Variants in GALR3 observed in about 807,000 individuals in gnomAD.
GALR3 encodes galanin receptor type 3.
In GALR3, 5 loss-of-function variants were observed where a neutral mutation model predicts 6.9. The observed-to-expected ratio is 0.72, with a 90% CI of 0.38 to 1.52. The LOEUF is 1.52. Ranked by LOEUF, GALR3 falls within the 40% of genes most tolerant of loss-of-function variation. The probability of loss-of-function intolerance (pLI) is 0.03; values close to 1 mark genes in which losing one functional copy is unlikely to be tolerated. For missense variants in GALR3, 570 were observed against 545.6 expected, an observed-to-expected ratio of 1.04 and a Z score of -0.44; for synonymous variants, 308 against 263.6, an observed-to-expected ratio of 1.17 and a Z score of -1.63.
rs1255200108 is a variant in GALR3 at position 37,824,952 on chromosome 22, G to A, written c.589G>A (p.Val197Met). 6.9e-6 allele frequency: 9 copies of A among 1,306,894 alleles called. No individual in the cohort carries two copies. Among genetic ancestry groups the A allele is most frequent in the Admixed American group, 3.0e-5 (1 of 33,136 alleles). The allele number at this position is 1,306,894 out of a possible 1,614,324, so 81.0% of individuals were successfully genotyped here. The change falls in exon 2 of 2, where the codon GTG becomes ATG. Residue 197 changes from valine to methionine, a missense_variant. By Grantham distance (21) the Val-to-Met change is conservative. Transcript: ENST00000249041. ...ATFAAGYLLP[V>M]AVVSLAYGRT... is the part of the protein sequence containing the mutation. The stretch of plus-strand genomic sequence containing the variant: ...CTTCGCTGCCGGCTACCTGCTGCCC[G>A]TGGCTGTGGTGAGCCTGGCCTACGG...
intron 1 of GALR3, among the ~76,000 whole-genome samples, chr22:37,824,463 T>C (rs2145944845): frequency 6.6e-6 from 1 of 152,354 alleles, no homozygotes; most frequent in Non-Finnish European, 1.5e-5. Context: ...TCACTCCAGC[T>C]GATGACCCTG....
chr22:37,825,362 CCCCGGAGACGCCCGG>C lies in GALR3; in HGVS notation c.1002_1016del (p.Gly335_Pro339del). The C allele has an allele frequency of 7.4e-7, 1 of 1,358,822 alleles. No homozygotes were observed. Among genetic ancestry groups the C allele is most frequent in the South Asian group, 1.7e-5 (1 of 57,826 alleles). The allele number at this position is 1,358,822 out of a possible 1,614,324, so 84.2% of individuals were successfully genotyped here. A position where few individuals can be genotyped will look rare whatever the true frequency, so the allele number is the denominator to read the frequency against. On this transcript the variant is annotated inframe_deletion, in exon 2 of 2. Coordinates refer to ENST00000249041, the MANE Select transcript of GALR3 (RefSeq NM_003614.2). ...CCGCGTCCTCGGGCCCACCCGGCTG[CCCCGGAGACGCCCGG>C]CCTAGCGGGAGGCTGCTGGCTGGTG...
chr22:37,824,000 C>T (rs965954163), intron 1 of GALR3, among the ~76,000 whole-genome samples: 3 of 152,178 alleles, frequency 2.0e-5, no homozygotes, highest in South Asian at 2.1e-4. Context: ...TTCCAGAGGA[C>T]GCCTCTGAGT....
chr22:37,823,817 G>A, intron 1 of GALR3, 52 bp downstream of exon 1: 1 of 1,004,194 alleles, frequency 1.0e-6, no homozygotes, highest in Non-Finnish European at 1.5e-6. Context: ...CGGGGGTTGG[G>A]GGAGGAGTCC....
Position 37,825,164 on chromosome 22 carries a change from G to C in GALR3, c.801G>C (p.Pro267=). The change falls in exon 2 of 2, where the codon CCG becomes CCC. Residue 267 remains proline (P), a synonymous_variant. Coordinates refer to ENST00000249041, the MANE Select transcript of GALR3 (RefSeq NM_003614.2). ...GGTACGGCCGCTTCGCCTTCAGCCC[G>C]GCCACCTACGCCTGCCGCCTGGCCT... ...CFWYGRFAFS[P]ATYACRLASH... is the part of the protein sequence containing the mutation. The C allele has an allele frequency of 6.7e-7, 1 of 1,487,816 alleles. No homozygotes were observed. The allele number at this position is 1,487,816 out of a possible 1,614,324, so 92.2% of individuals were successfully genotyped here. A position where few individuals can be genotyped will look rare whatever the true frequency, so the allele number is the denominator to read the frequency against.
chr22:37,825,428 G>A lies in GALR3; in HGVS notation c.1065G>A (p.Glu355=). 2 of 1,395,980 alleles carry A rather than the reference G, an allele frequency of 1.4e-6. No homozygotes were observed. The allele number at this position is 1,395,980 out of a possible 1,614,324, so 86.5% of individuals were successfully genotyped here. Residue 355 remains glutamate (E), a synonymous_variant, in exon 2 of 2, where the codon GAG becomes GAA. Coordinates refer to ENST00000249041, the MANE Select transcript of GALR3 (RefSeq NM_003614.2). The stretch of plus-strand genomic sequence containing the variant: ...GCGGCCAGGGCCCGGAGCCCAGGGA[G>A]GGACCCGTCCACGGCGGAGAGGCTG... ...AGGGQGPEPR[E]GPVHGGEAAR... is the part of the protein sequence containing the mutation.
In GALR3 at chr22:37,824,779, C is replaced by G. The variant is rs930240608; in HGVS notation, c.416C>G (p.Ala139Gly). The G allele has an allele frequency of 1.5e-6, 2 of 1,302,472 alleles. No individual in the cohort carries two copies. Among genetic ancestry groups the G allele is most frequent in the Non-Finnish European group, 2.0e-6 (2 of 1,025,490 alleles). 80.7% of individuals were successfully genotyped at this position (1,302,472 alleles called of 1,614,324 possible). A position where few individuals can be genotyped will look rare whatever the true frequency, so the allele number is the denominator to read the frequency against. The change falls in exon 2 of 2, where the codon GCC becomes GGC. Residue 139 changes from alanine to glycine, a missense_variant. Physicochemically the swap from Ala to Gly is moderately conservative, Grantham distance 60 (BLOSUM62 0). Coordinates refer to ENST00000249041, the MANE Select transcript of GALR3 (RefSeq NM_003614.2). ...CGCGCCCTGCGCACGCCGCGTAACG[C>G]CCGCGCCGCAGTGGGGCTGGTGTGG... ...RSRALRTPRNARAAVGLVWLL... is the reference protein window; with the variant it reads ...RSRALRTPRNGRAAVGLVWLL...
intron 1 of GALR3, among the ~76,000 whole-genome samples, chr22:37,824,098 A>G (rs952704377): frequency 6.8e-6 from 1 of 147,498 alleles, no homozygotes; most frequent in Non-Finnish European, 1.5e-5. Flanking sequence ...TGCGTTCATC[A>G]GTTTTTTTGT....
Position 37,825,070 on chromosome 22 carries a change from C to T in GALR3, c.707C>T (p.Ala236Val). The T allele has an allele frequency of 7.8e-6, 9 of 1,147,768 alleles. No individual in the cohort carries two copies. Among genetic ancestry groups the T allele is most frequent in the Non-Finnish European group, 9.6e-6 (9 of 932,904 alleles). 71.1% of individuals were successfully genotyped at this position (1,147,768 alleles called of 1,614,324 possible). Residue 236 changes from alanine to valine, a missense_variant, in exon 2 of 2, where the codon GCC (alanine) becomes GTC (valine). Physicochemically the swap from Ala to Val is moderately conservative, Grantham distance 64 (BLOSUM62 0). Transcript: ENST00000249041. ...RRRATGRAGR[A>V]MLAVAALYAL... is the part of the protein sequence containing the mutation. ...AGGGCGACGGGCCGCGCGGGGCGCG[C>T]CATGCTGGCGGTGGCCGCGCTCTAC...
intron 1 of GALR3, 49 bp downstream of exon 1, chr22:37,823,814 T>TG: frequency 6.5e-6 from 5 of 772,758 alleles, no homozygotes; most frequent in Non-Finnish European, 8.3e-6. Flanking sequence ...GGGCGGGGGT[T>TG]GGGGGAGGAG....
At position 37,824,760 on chromosome 22, in the gene GALR3, C is replaced by G. The variant is rs1256437423; in HGVS notation, c.397C>G (p.Leu133Val). 3 of 1,265,014 alleles carry G rather than the reference C, an allele frequency of 2.4e-6. No individual in the cohort carries two copies. Among genetic ancestry groups the G allele is most frequent in the African/African-American group, 1.6e-5 (1 of 63,902 alleles). 78.4% of individuals were successfully genotyped at this position (1,265,014 alleles called of 1,614,324 possible). ...GCGGCACCCGCTGCGCTCGCGCGCCCTGCGCACGCCGCGTAACGCCCGCGC... is the reference window on the plus strand; with the variant it reads ...GCGGCACCCGCTGCGCTCGCGCGCCGTGCGCACGCCGCGTAACGCCCGCGC... ...AVRHPLRSRA[L>V]RTPRNARAAV... The change falls in exon 2 of 2, where the codon CTG becomes GTG. Residue 133 changes from leucine to valine, a missense_variant. By Grantham distance (32) the Leu-to-Val change is conservative (BLOSUM62 1). Coordinates refer to ENST00000249041, the MANE Select transcript of GALR3 (RefSeq NM_003614.2).
In GALR3 at chr22:37,825,483, G is replaced by T; in HGVS notation, c.*13G>T. ...AGGACCGGAATAAACCCTGCCGCCT[G>T]GACTCCGCCTGTGTCCGTCTGTCTC... is the stretch of plus-strand genomic sequence containing the variant. On this transcript the variant is annotated 3_prime_UTR_variant, in exon 2 of 2. Transcript: ENST00000249041. The T allele has an allele frequency of 7.7e-7, 1 of 1,306,384 alleles. No homozygotes were observed. Among genetic ancestry groups the T allele is most frequent in the South Asian group, 2.1e-5 (1 of 47,822 alleles). The allele number at this position is 1,306,384 out of a possible 1,614,324, so 80.9% of individuals were successfully genotyped here. A position where few individuals can be genotyped will look rare whatever the true frequency, so the allele number is the denominator to read the frequency against.
chr22:37,824,881 T>A lies in GALR3; in HGVS notation c.518T>A (p.Val173Glu). ...TVRYGALELC[V>E]PAWEDARRRA... Reference sequence around the variant, plus strand: ...CGCTACGGCGCGCTGGAGCTCTGCGTGCCCGCCTGGGAGGACGCGCGCCGC... The same window carrying A: ...CGCTACGGCGCGCTGGAGCTCTGCGAGCCCGCCTGGGAGGACGCGCGCCGC... Residue 173 changes from valine to glutamate, a missense_variant, in exon 2 of 2, where the codon GTG becomes GAG. Physicochemically the swap from Val to Glu is moderately radical, Grantham distance 121. Transcript: ENST00000249041. 7.2e-7 allele frequency: 1 copy of A among 1,395,986 alleles called. No individual in the cohort carries two copies. The highest frequency in any genetic ancestry group is 2.5e-5 in the Admixed American group (1 of 39,792). 86.5% of individuals were successfully genotyped at this position (1,395,986 alleles called of 1,614,324 possible). A position where few individuals can be genotyped will look rare whatever the true frequency, so the allele number is the denominator to read the frequency against.
At chr22:37,824,497 T>C (rs1383541235) in intron 1 of GALR3, among the ~76,000 whole-genome samples, 2 of 152,166 alleles carry the variant, frequency 1.3e-5, no homozygotes, top group African/African-American at 4.8e-5. Flanking sequence ...TCTCTGGACC[T>C]CATCTGACGC....
rs1374258076 is a variant in GALR3 at position 37,823,633 on chromosome 22, T to C, written c.227T>C (p.Val76Ala). The C allele has an allele frequency of 1.2e-6, 2 of 1,613,520 alleles. No homozygotes were observed. Among genetic ancestry groups the C allele is most frequent in the Non-Finnish European group, 1.7e-6 (2 of 1,179,860 alleles). Residue 76 changes from valine (V) to alanine (A), a missense_variant, in exon 1 of 2, where the codon GTG becomes GCG. Physicochemically the swap from Val to Ala is moderately conservative, Grantham distance 64 (BLOSUM62 0). Transcript: ENST00000249041. ...GACCTCTGCTTCATCCTGTGCTGCG[T>C]GCCCTTCCAGGCCACCATCTACACG... is the stretch of plus-strand genomic sequence containing the variant. ...VADLCFILCC[V>A]PFQATIYTLD...
rs1922544316 is a variant in GALR3, at chr22:37,824,732, C to G, written c.369C>G (p.Ala123=). Residue 123 remains alanine, a synonymous_variant, in exon 2 of 2, where the codon GCC becomes GCG. Coordinates refer to ENST00000249041, the MANE Select transcript of GALR3 (RefSeq NM_003614.2). ...CAGGCGCCCTCCGCAGGTACCTGGC[C>G]GTGCGGCACCCGCTGCGCTCGCGCG... ...LAAVSVDRYL[A]VRHPLRSRAL... 5 of 1,224,646 alleles carry G rather than the reference C, an allele frequency of 4.1e-6. No homozygotes were observed. In the South Asian group the frequency reaches 1.4e-4, roughly 33 times the overall value. The allele number at this position is 1,224,646 out of a possible 1,614,324, so 75.9% of individuals were successfully genotyped here.
chr22:37,824,268 G>T (rs1922529637), intron 1 of GALR3, among the ~76,000 whole-genome samples: 1 of 151,840 alleles, frequency 6.6e-6, no homozygotes, highest in African/African-American at 2.4e-5. Flanking sequence ...ACGGGGTTTT[G>T]CCATGTTGGA....
At chr22:37,823,882 G>T in intron 1 of GALR3, 117 bp downstream of exon 1, 1 of 647,952 alleles carries the variant, frequency 1.5e-6, no homozygotes, top group Non-Finnish European at 2.6e-6. Context: ...AGAAAGGGAG[G>T]TGGGTGGGAG....
chr22:37,825,219 C>A lies in GALR3; in HGVS notation c.856C>A (p.Leu286Ile). The A allele has an allele frequency of 6.8e-7, 1 of 1,470,658 alleles. No homozygotes were observed. 91.1% of individuals were successfully genotyped at this position (1,470,658 alleles called of 1,614,324 possible). ...SHCLAYANSC[L>I]NPLVYALASR... ...CTGCCTGGCCTACGCCAACTCCTGC[C>A]TCAACCCGCTCGTCTACGCGCTCGC... Residue 286 changes from leucine (L) to isoleucine (I), a missense_variant, in exon 2 of 2, where the codon CTC (leucine) becomes ATC (isoleucine). By Grantham distance (5) the Leu-to-Ile change is conservative. Coordinates refer to ENST00000249041, the MANE Select transcript of GALR3 (RefSeq NM_003614.2).
Sources: allele counts gnomAD v4.1 joint callset (sites outside exome capture counted in the v4.1 genomes callset), GRCh38; gene constraint gnomAD v4.1.1; transcripts MANE v1.5; gene names NCBI Gene and HGNC (gene_info 2026-07-23, HGNC 2026-07-21).